The following MLLT3 variants were observed in gnomAD, a reference collection of about 807,000 sequenced individuals.
The protein encoded by MLLT3 is protein AF-9.
Under a neutral mutation model 53.2 loss-of-function variants are expected in MLLT3, and 4 were observed. That is an observed-to-expected ratio of 0.08 (90% CI 0.04 to 0.17). The LOEUF is 0.17. MLLT3 is among the 10% of genes least tolerant of loss of function. The probability of loss-of-function intolerance (pLI) is 1.00; values close to 1 mark genes in which losing one functional copy is unlikely to be tolerated. For synonymous variants in MLLT3, 283 were observed against 230.6 expected (o/e 1.23, Z -2.06); for missense variants, 569 against 684.0 (o/e 0.83, Z 1.87).
intron 4 of MLLT3, among the ~76,000 whole-genome samples, chr9:20,439,839 C>T (rs78083748): frequency 0.086 from 13,077 of 152,118 alleles, 1,552 homozygotes; most frequent in African/African-American, 0.26. Context: ...ATTACAATGA[C>T]TTATTTTCTT....
At chr9:20,490,790 C>G (rs4407991) in intron 2 of MLLT3, among the ~76,000 whole-genome samples, 32,878 of 152,108 alleles carry the variant, frequency 0.22, 3,655 homozygotes, top group Middle Eastern at 0.32. Flanking sequence ...ATTCTCACAA[C>G]AACCCTGAAA....
At chr9:20,428,330 G>A (rs1248428766) in intron 4 of MLLT3, among the ~76,000 whole-genome samples, 1 of 151,746 alleles carries the variant, frequency 6.6e-6, no homozygotes, top group Admixed American at 6.6e-5. Context: ...ACATCCACAG[G>A]ATTTATATCA....
intron 4 of MLLT3, among the ~76,000 whole-genome samples, chr9:20,445,999 T>C (rs568113913): frequency 2.6e-4 from 39 of 152,326 alleles, no homozygotes; most frequent in Middle Eastern, 3.4e-3. Flanking sequence ...GTATCAATAA[T>C]ATAAGGCAGT....
At chr9:20,430,632 A>C (rs1384864839) in intron 4 of MLLT3, among the ~76,000 whole-genome samples, 1 of 152,156 alleles carries the variant, frequency 6.6e-6, no homozygotes, top group Admixed American at 6.6e-5. Context: ...AAAATATTTC[A>C]ATGTTAGACA....
At chr9:20,558,259 C>T (rs7867572) in intron 2 of MLLT3, among the ~76,000 whole-genome samples, 122,204 of 152,130 alleles carry the variant, frequency 0.8, 50,176 homozygotes, top group Middle Eastern at 0.93. Context: ...CTAATAAACG[C>T]AGCCCCATAT....
At chr9:20,457,877 T>C (rs1166633635) in intron 2 of MLLT3, among the ~76,000 whole-genome samples, 1 of 152,184 alleles carries the variant, frequency 6.6e-6, no homozygotes, top group African/African-American at 2.4e-5. Flanking sequence ...CCATTCTAGT[T>C]AAGACTGCAT....
At chr9:20,575,254 A>G (rs1223648764) in intron 2 of MLLT3, among the ~76,000 whole-genome samples, 2 of 152,184 alleles carry the variant, frequency 1.3e-5, no homozygotes, top group Non-Finnish European at 2.9e-5. Context: ...AATAGTATCT[A>G]GAATAGTGAA....
chr9:20,583,223 A>G (rs1310055873), intron 2 of MLLT3, among the ~76,000 whole-genome samples: 1 of 152,192 alleles, frequency 6.6e-6, no homozygotes, highest in African/African-American at 2.4e-5. Flanking sequence ...CAGGTCTCAC[A>G]TAGAGATCGT....
chr9:20,576,740 T>C (rs1819663461), intron 2 of MLLT3, among the ~76,000 whole-genome samples: 1 of 152,128 alleles, frequency 6.6e-6, no homozygotes, highest in Admixed American at 6.5e-5. Flanking sequence ...ACTGCAAGCA[T>C]TACCAAAAGG....
At chr9:20,438,188 C>T (rs1276038994) in intron 4 of MLLT3, among the ~76,000 whole-genome samples, 1 of 152,190 alleles carries the variant, frequency 6.6e-6, no homozygotes, top group Non-Finnish European at 1.5e-5. Flanking sequence ...TTTATTATTT[C>T]TCCAGATAAC....
At chr9:20,475,511 T>C (rs1054116173) in intron 2 of MLLT3, among the ~76,000 whole-genome samples, 2 of 152,156 alleles carry the variant, frequency 1.3e-5, no homozygotes, top group African/African-American at 4.8e-5. Flanking sequence ...TAAAGTTTCA[T>C]ACAACTGTCT....
intron 2 of MLLT3, among the ~76,000 whole-genome samples, chr9:20,490,428 C>T (rs1211113150): frequency 6.6e-6 from 1 of 152,184 alleles, no homozygotes; most frequent in Admixed American, 6.5e-5. Context: ...ATGTTAAGGG[C>T]CCACATTCAA....
chr9:20,424,526 T>G (rs375955796), intron 4 of MLLT3, among the ~76,000 whole-genome samples: 5 of 152,256 alleles, frequency 3.3e-5, no homozygotes, highest in African/African-American at 1.2e-4. Context: ...GAGGTCACTG[T>G]TTTAAGAAAA....
rs2780836 is a variant in MLLT3, at chr9:20,621,575, C to A, written c.12+670G>T. Among the ~76,000 whole-genome samples the A allele has an allele frequency of 0.57, 86,762 of 151,138 alleles. 25,514 individuals carry two copies. The highest frequency in any genetic ancestry group is 0.81 in the East Asian group (4,125 of 5,064). On this transcript the variant is annotated intron_variant, in intron 1 of 10. Coordinates refer to ENST00000380338, the MANE Select transcript of MLLT3 (RefSeq NM_004529.4). This position sits in a 1 kb window ranked among gnomAD's most constrained non-coding sequence, Gnocchi z 7.0. Reference sequence around the variant, plus strand: ...GAACCGAGCCCCCGCAACACACTTTCAAGAGCCCAAGTGGCTCCAAAGTAT... The same window carrying A: ...GAACCGAGCCCCCGCAACACACTTTAAAGAGCCCAAGTGGCTCCAAAGTAT...
intron 2 of MLLT3, among the ~76,000 whole-genome samples, chr9:20,593,719 G>A (rs1007498278): frequency 1.3e-5 from 2 of 152,162 alleles, no homozygotes; most frequent in Admixed American, 1.3e-4. Context: ...CAATAGGGAT[G>A]GGTAATGTAA....
At chr9:20,380,983 G>A (rs1484326999) in intron 5 of MLLT3, among the ~76,000 whole-genome samples, 1 of 151,996 alleles carries the variant, frequency 6.6e-6, no homozygotes, top group East Asian at 1.9e-4. Flanking sequence ...ATGGCAGGAG[G>A]AAGGGGAGAG....
intron 1 of MLLT3, 192 bp downstream of exon 1, chr9:20,622,053 C>T: frequency 6.7e-6 from 1 of 149,604 alleles, no homozygotes; most frequent in Non-Finnish European, 9.0e-6. Flanking sequence ...GTCTGTGTGT[C>T]TGTGTGCGCG....
rs536344317 is a variant in MLLT3, at chr9:20,360,057, T to C, written c.1431+685A>G. ...AAATAGTTATATTTTGAGTTGACTA[T>C]CAAATTAATAAGCTTTCCTTTAGCT... On this transcript the variant is annotated intron_variant, in intron 8 of 10. Transcript: ENST00000380338. 2.7e-4 allele frequency among the ~76,000 whole-genome samples: 41 copies of C among 152,356 alleles called. 1 individual carries two copies. In the South Asian group the frequency reaches 8.3e-3, roughly 31 times the overall value.
intron 2 of MLLT3, among the ~76,000 whole-genome samples, chr9:20,523,650 G>C (rs1818123883): frequency 6.6e-6 from 1 of 152,102 alleles, no homozygotes; most frequent in Non-Finnish European, 1.5e-5. Flanking sequence ...TGACATTTAG[G>C]ATAGGGCAAA....
Sources: allele counts gnomAD v4.1 joint callset (sites outside exome capture counted in the v4.1 genomes callset), GRCh38; gene constraint gnomAD v4.1.1; non-coding constraint Gnocchi (gnomAD v3.1); transcripts MANE v1.5; gene names NCBI Gene and HGNC (gene_info 2026-07-23, HGNC 2026-07-21).